The following RCOR1 variants were observed in gnomAD, a reference collection of about 807,000 sequenced individuals.
RCOR1 encodes REST corepressor.
A neutral mutation model predicts 64.0 loss-of-function variants in RCOR1; 12 were observed. That is an observed-to-expected ratio of 0.19 (90% CI 0.12 to 0.30). RCOR1 has a LOEUF of 0.30. Among genes scored for constraint, RCOR1 ranks in the 10% least tolerant of loss-of-function variants. The pLI, the probability that RCOR1 is intolerant of heterozygous loss-of-function variation, is 1.00. For missense variants in RCOR1, 502 were observed against 621.2 expected (o/e 0.81, Z 2.04); for synonymous variants, 279 against 227.2 (o/e 1.23, Z -2.05).
intron 2 of RCOR1, among the ~76,000 whole-genome samples, chr14:102,614,349 C>G (rs1305297202): frequency 6.6e-6 from 1 of 151,784 alleles, no homozygotes; most frequent in Non-Finnish European, 1.5e-5. Flanking sequence ...CTCAGCCCCC[C>G]GAGTAGCTGG....
chr14:102,602,652 C>G (rs903432674), intron 2 of RCOR1, among the ~76,000 whole-genome samples: 1 of 152,168 alleles, frequency 6.6e-6, no homozygotes, highest in African/African-American at 2.4e-5. Context: ...AAGTGATCTC[C>G]CGCATCGGCC....
In RCOR1 at chr14:102,653,962, TCTTTCTTTCTTTCTTTC is replaced by T. The variant is rs1567423363; in HGVS notation, c.362-27932_362-27916del. Among the ~76,000 whole-genome samples the T allele has an allele frequency of 1.5e-3, 88 of 58,810 alleles. 6 individuals are homozygous for T. Among genetic ancestry groups the T allele is most frequent in the African/African-American group, 5.6e-3 (45 of 8,008 alleles). 38.6% of individuals were successfully genotyped at this position (58,810 alleles called of 152,430 possible). A position where few individuals can be genotyped will look rare whatever the true frequency, so the allele number is the denominator to read the frequency against. On this transcript the variant is annotated intron_variant, in intron 2 of 11. Transcript: ENST00000262241. ...TTCTTTCTTTCTTTCTTTCTTTCTT[TCTTTCTTTCTTTCTTTC>T]TTTCTTTTTTTTTTTTTTTTTTTTG... is the stretch of plus-strand genomic sequence containing the variant.
At chr14:102,643,406 T>C (rs1894413121) in intron 2 of RCOR1, 1 of 609,604 alleles carries the variant, frequency 1.6e-6, no homozygotes, top group African/African-American at 2.0e-5. Context: ...GTATAAACAG[T>C]ATAGCAGTAT....
Position 102,656,193 on chromosome 14 carries a change from G to GC in RCOR1, c.362-25701dup, listed in dbSNP as rs950706891. The GC allele has an allele frequency of 4.8e-6, 4 of 841,532 alleles. No homozygotes were observed. In the African/African-American group the frequency reaches 7.4e-5, roughly 16 times the overall value. 52.1% of individuals were successfully genotyped at this position (841,532 alleles called of 1,614,324 possible). A position where few individuals can be genotyped will look rare whatever the true frequency, so the allele number is the denominator to read the frequency against. On this transcript the variant is annotated intron_variant, in intron 2 of 11. Transcript: ENST00000262241. ...CTCGCTGTGTCGCCCAGACTGGAGT[G>GC]CAGTGGTGTGATCTAGGCTCACTGC...
At chr14:102,657,057 G>T (rs1006251422) in intron 2 of RCOR1, 2 of 981,048 alleles carry the variant, frequency 2.0e-6, no homozygotes, top group Non-Finnish European at 2.4e-6. Flanking sequence ...TTATAAGCGT[G>T]AATCACTGCA....
chr14:102,705,559 C>T (rs1270282874), intron 4 of RCOR1, among the ~76,000 whole-genome samples: 2 of 152,156 alleles, frequency 1.3e-5, no homozygotes, highest in African/African-American at 4.8e-5. Flanking sequence ...AGCAGTCCTC[C>T]TGCCTCAGCC....
At chr14:102,708,027 G>A (rs1263843471) in intron 5 of RCOR1, among the ~76,000 whole-genome samples, 9 of 146,316 alleles carry the variant, frequency 6.2e-5, no homozygotes, top group Admixed American at 3.4e-4. Flanking sequence ...GTGCAGTGGC[G>A]CGATCTCGGC....
At chr14:102,619,471 ATCTTTTTTTTT>A (rs1893828039) in intron 2 of RCOR1, among the ~76,000 whole-genome samples, 1 of 95,226 alleles carries the variant, frequency 1.1e-5, no homozygotes, top group Admixed American at 1.3e-4. Flanking sequence ...ATTCTATCTA[ATCTTTTTTTTT>A]TTTTTTTTTT....
chr14:102,705,220 T>C (rs1895827276), intron 4 of RCOR1, among the ~76,000 whole-genome samples: 1 of 152,122 alleles, frequency 6.6e-6, no homozygotes, highest in Non-Finnish European at 1.5e-5. Flanking sequence ...CATCCTGCTG[T>C]GGGTTTTCGA....
Position 102,593,144 on chromosome 14 carries a change from C to T in RCOR1, c.258C>T (p.Ser86=), listed in dbSNP as rs1283485324. ...AAPNGNSSSN[S]WEEGSSGSSS... The stretch of plus-strand genomic sequence containing the variant: ...CCAATGGCAACAGCAGCAGCAACTC[C>T]TGGGAGGAAGGCAGCTCGGGCTCGT... The change falls in exon 1 of 12, where the codon TCC becomes TCT. Residue 86 remains serine, a synonymous_variant. Transcript: ENST00000262241. The T allele has an allele frequency of 6.5e-7, 1 of 1,530,242 alleles. No homozygotes were observed. Among genetic ancestry groups the T allele is most frequent in the South Asian group, 1.2e-5 (1 of 81,748 alleles). 94.8% of individuals were successfully genotyped at this position (1,530,242 alleles called of 1,614,324 possible).
intron 2 of RCOR1, among the ~76,000 whole-genome samples, chr14:102,676,776 A>G (rs1595225142): frequency 1.9e-5 from 1 of 53,436 alleles, no homozygotes; most frequent in Non-Finnish European, 3.5e-5. Context: ...GGCCGGGCAG[A>G]GGGGTCCTCA....
At chr14:102,722,833 A>C (rs987113163) in intron 11 of RCOR1, among the ~76,000 whole-genome samples, 1 of 152,256 alleles carries the variant, frequency 6.6e-6, no homozygotes, top group African/African-American at 2.4e-5. Flanking sequence ...GACGCAGCAC[A>C]GCGAGCCAGC....
At chr14:102,677,151 C>T (rs76692017) in intron 2 of RCOR1, among the ~76,000 whole-genome samples, 33 of 119,768 alleles carry the variant, frequency 2.8e-4, no homozygotes, top group South Asian at 5.7e-4. Context: ...GCTGGCCGGG[C>T]GGGGGGCTGA....
chr14:102,689,310 GATT>G (rs1057205033), intron 3 of RCOR1, among the ~76,000 whole-genome samples: 4 of 152,120 alleles, frequency 2.6e-5, no homozygotes, highest in African/African-American at 7.2e-5. Context: ...TTTGTTGCTT[GATT>G]ATTATTATTT....
rs1652213762 is a variant in RCOR1 at position 102,728,315 on chromosome 14, C to T, written c.*1809C>T. The T allele has an allele frequency of 6.6e-6, 1 of 152,108 alleles. No homozygotes were observed. The highest frequency in any genetic ancestry group is 2.4e-5 in the African/African-American group (1 of 41,390). The allele number at this position is 152,108 out of a possible 1,614,324, so 9.4% of individuals were successfully genotyped here. A position where few individuals can be genotyped will look rare whatever the true frequency, so the allele number is the denominator to read the frequency against. ...GAAGCATCAGAGGAGTCCCGGATTG[C>T]TGCTGCTACCTGGAGACAGGGTTAG... is the stretch of plus-strand genomic sequence containing the variant. On this transcript the variant is annotated 3_prime_UTR_variant, in exon 12 of 12. Coordinates refer to ENST00000262241, the MANE Select transcript of RCOR1 (RefSeq NM_015156.4).
At chr14:102,597,986 C>A (rs1421177606) in intron 2 of RCOR1, among the ~76,000 whole-genome samples, 1 of 152,126 alleles carries the variant, frequency 6.6e-6, no homozygotes, top group Non-Finnish European at 1.5e-5. Context: ...CCACACCCAG[C>A]TAATTTTGTA....
At chr14:102,677,212 A>C (rs1486984344) in intron 2 of RCOR1, among the ~76,000 whole-genome samples, 14 of 70,978 alleles carry the variant, frequency 2.0e-4, no homozygotes, top group Non-Finnish European at 2.8e-4. Flanking sequence ...CAGGGGGCTG[A>C]CCCCCCCTCC....
intron 2 of RCOR1, among the ~76,000 whole-genome samples, chr14:102,630,863 T>A (rs1413331431): frequency 3.3e-5 from 5 of 152,086 alleles, no homozygotes; most frequent in African/African-American, 1.2e-4. Flanking sequence ...GGTGGGCAGT[T>A]GTGGTTCTGG....
intron 4 of RCOR1, among the ~76,000 whole-genome samples, chr14:102,707,079 T>C (rs1895873079): frequency 6.6e-6 from 1 of 152,078 alleles, no homozygotes. Flanking sequence ...AATAATTTAT[T>C]TAAATTGCTT....
Sources: allele counts gnomAD v4.1 joint callset (sites outside exome capture counted in the v4.1 genomes callset), GRCh38; gene constraint gnomAD v4.1.1; transcripts MANE v1.5; gene names NCBI Gene and HGNC (gene_info 2026-07-23, HGNC 2026-07-21).